The following TANC2 variants were observed in gnomAD, a reference collection of about 807,000 sequenced individuals.
TANC2 encodes the protein tetratricopeptide repeat, ankyrin repeat and coiled-coil containing 2.
Under a neutral mutation model 210.5 loss-of-function variants are expected in TANC2, and 26 were observed. The ratio of observed to expected loss-of-function variants is 0.12; its 90% CI spans 0.09 to 0.17. TANC2 has a LOEUF of 0.17. Ranked by LOEUF, TANC2 falls within the 10% of genes least tolerant of loss-of-function variation. The pLI is 1.00. For synonymous variants in TANC2, 931 were observed against 967.1 expected (o/e 0.96, Z 0.69); for missense variants, 2,129 against 2,608.9 (o/e 0.82, Z 4.01).
At chr17:63,405,430 C>T (rs1239856552) in intron 20 of TANC2, among the ~76,000 whole-genome samples, 175 bp downstream of exon 20, 1 of 152,218 alleles carries the variant, frequency 6.6e-6, no homozygotes, top group East Asian at 1.9e-4. Context: ...CGACAGTTAA[C>T]ATTCAAAACC....
rs115600914 is a variant in TANC2 at position 63,215,486 on chromosome 17, G to A, written c.769+14529G>A. Among the ~76,000 whole-genome samples the A allele has an allele frequency of 5.5e-3, 840 of 152,146 alleles. 7 individuals are homozygous for A. Among genetic ancestry groups the A allele is most frequent in the African/African-American group, 0.018 (749 of 41,502 alleles). ...ACCAGAAAGACCAGGGAATGACTACGGTTACACTTTTAGCCCCACTCCAGA... is the reference window on the plus strand; with the variant it reads ...ACCAGAAAGACCAGGGAATGACTACAGTTACACTTTTAGCCCCACTCCAGA... On this transcript the variant is annotated intron_variant, in intron 7 of 27. Coordinates refer to ENST00000689528, the Ensembl canonical transcript of TANC2.
At chr17:63,406,352 A>G in intron 21 of TANC2, 75 bp downstream of exon 21, 1 of 1,583,900 alleles carries the variant, frequency 6.3e-7, no homozygotes, top group Non-Finnish European at 8.6e-7. Context: ...CCAGCAATGG[A>G]TCCCAGGAGA....
At chr17:63,127,631 G>A (rs1457690919) in intron 4 of TANC2, among the ~76,000 whole-genome samples, 2 of 152,054 alleles carry the variant, frequency 1.3e-5, no homozygotes. Flanking sequence ...TTCAGTTATG[G>A]GCACTGGCTC....
At chr17:63,260,905 A>G (rs1056732922) in intron 8 of TANC2, among the ~76,000 whole-genome samples, 1 of 152,058 alleles carries the variant, frequency 6.6e-6, no homozygotes, top group Admixed American at 6.6e-5. Flanking sequence ...AAGCATACTT[A>G]TTTTAACAGA....
intron 9 of TANC2, among the ~76,000 whole-genome samples, chr17:63,269,080 T>C (rs771579660): frequency 1.3e-5 from 2 of 152,210 alleles, no homozygotes; most frequent in African/African-American, 4.8e-5. Context: ...AAGGAATTTA[T>C]ACATGTCTGC....
chr17:63,296,399 A>G (rs2044537532), intron 9 of TANC2, among the ~76,000 whole-genome samples: 1 of 152,214 alleles, frequency 6.6e-6, no homozygotes, highest in South Asian at 2.1e-4. Context: ...AAGGGACAAC[A>G]GTAGGGCCAA....
At chr17:63,102,932 G>A (rs2052119) in intron 4 of TANC2, among the ~76,000 whole-genome samples, 81,267 of 151,888 alleles carry the variant, frequency 0.54, 23,251 homozygotes, top group African/African-American at 0.73. Flanking sequence ...ACAACTATTT[G>A]CATGGCATTT....
intron 5 of TANC2, among the ~76,000 whole-genome samples, chr17:63,160,574 G>T (rs1267480911): frequency 6.6e-6 from 1 of 151,944 alleles, no homozygotes; most frequent in African/African-American, 2.4e-5. Context: ...CATTTAAATT[G>T]TTTTAATTTC....
rs79041227 is a variant in TANC2, at chr17:63,306,068, A to C, written c.1160-8320A>C. 1.1e-3 allele frequency among the ~76,000 whole-genome samples: 175 copies of C among 152,344 alleles called. 1 individual carries two copies. Among genetic ancestry groups the C allele is most frequent in the African/African-American group, 4.1e-3 (170 of 41,574 alleles). On this transcript the variant is annotated intron_variant, in intron 9 of 27. Transcript: ENST00000689528. ...GGGAATGACGTAATGTGGTCATTGTAATAAAGAATTGGTCTGGCATAATAT... is the reference window on the plus strand; with the variant it reads ...GGGAATGACGTAATGTGGTCATTGTCATAAAGAATTGGTCTGGCATAATAT...
intron 11 of TANC2, among the ~76,000 whole-genome samples, chr17:63,336,486 TTA>T (rs1247718235): frequency 2.0e-5 from 3 of 152,220 alleles, no homozygotes; most frequent in Non-Finnish European, 4.4e-5. Flanking sequence ...TTGATGAAGT[TTA>T]TGACTAGTTT....
At chr17:63,279,903 A>G (rs1018940788) in intron 9 of TANC2, among the ~76,000 whole-genome samples, 1 of 152,124 alleles carries the variant, frequency 6.6e-6, no homozygotes, top group Non-Finnish European at 1.5e-5. Flanking sequence ...TTTCAGAGAC[A>G]TGCCTGACTT....
intron 2 of TANC2, among the ~76,000 whole-genome samples, chr17:63,049,965 T>G (rs776932552): frequency 1.3e-5 from 2 of 152,242 alleles, no homozygotes; most frequent in Admixed American, 6.5e-5. Flanking sequence ...AGAAAGGAGT[T>G]GCTGTTTACA....
chr17:63,319,682 A>C (rs41337447), intron 11 of TANC2, among the ~76,000 whole-genome samples: 10 of 152,244 alleles, frequency 6.6e-5, no homozygotes, highest in Admixed American at 6.5e-4. Flanking sequence ...ACATCAGGGT[A>C]TAAGTAATCA....
intron 7 of TANC2, among the ~76,000 whole-genome samples, chr17:63,209,103 C>G (rs547443665): frequency 2.0e-5 from 3 of 151,806 alleles, no homozygotes; most frequent in African/African-American, 7.2e-5. Context: ...CCTCAAACTC[C>G]TGCTGAAGTG....
intron 4 of TANC2, among the ~76,000 whole-genome samples, chr17:63,129,023 T>G (rs939751027): frequency 1.3e-5 from 2 of 152,126 alleles, no homozygotes; most frequent in African/African-American, 4.8e-5. Flanking sequence ...TGGGGTTTTT[T>G]GTTTGTTTTT....
intron 2 of TANC2, among the ~76,000 whole-genome samples, chr17:63,035,674 A>G (rs1488188102): frequency 1.3e-5 from 2 of 152,192 alleles, no homozygotes; most frequent in Non-Finnish European, 2.9e-5. Flanking sequence ...ACATTCATAT[A>G]TGGGTTTTTG....
intron 12 of TANC2, among the ~76,000 whole-genome samples, chr17:63,348,740 A>T (rs2046496454): frequency 6.6e-6 from 1 of 152,152 alleles, no homozygotes; most frequent in Non-Finnish European, 1.5e-5. Flanking sequence ...TTTTATTTGT[A>T]AATTTTTTTT....
exon 8 of TANC2, chr17:63,237,825 A>G: frequency 4.5e-6 from 7 of 1,546,322 alleles, no homozygotes; most frequent in Non-Finnish European, 6.1e-6. Flanking sequence ...TACATTAACA[A>G]GCTATTCTGA....
intron 2 of TANC2, among the ~76,000 whole-genome samples, chr17:63,014,437 G>A (rs1477230257): frequency 2.0e-5 from 3 of 152,046 alleles, no homozygotes; most frequent in African/African-American, 7.2e-5. Flanking sequence ...TGTATGTCTT[G>A]TAATTTTTTG....
Sources: gnomAD v4.1 joint callset for allele counts (sites outside exome capture counted in the v4.1 genomes callset) on GRCh38, gnomAD v4.1.1 for gene constraint, MANE v1.5 for transcripts, NCBI Gene and HGNC (gene_info 2026-07-23, HGNC 2026-07-21) for gene names.